FAM13A: variants seen among roughly 807,000 people sequenced by gnomAD.
FAM13A encodes family with sequence similarity 13 member A, also known as protein FAM13A.
In FAM13A, 76 loss-of-function variants were observed where a neutral mutation model predicts 129.6. The observed-to-expected ratio is 0.59, with a 90% confidence interval of 0.49 to 0.71. FAM13A has a LOEUF of 0.71. Among genes scored for constraint, FAM13A ranks in the 30% least tolerant of loss-of-function variants. The pLI is 0.00. For missense variants in FAM13A, 1,108 were observed against 1,249.3 expected (o/e 0.89, Z 1.70); for synonymous variants, 443 against 449.9 (o/e 0.98, Z 0.20).
intron 3 of FAM13A, among the ~76,000 whole-genome samples, chr4:89,014,200 T>G (rs1766141945): frequency 6.6e-6 from 1 of 152,172 alleles, no homozygotes; most frequent in African/African-American, 2.4e-5. Flanking sequence ...AACGATGCAG[T>G]AGGAACGCAC....
intron 1 of FAM13A, among the ~76,000 whole-genome samples, chr4:89,048,792 T>C (rs983993370): frequency 1.7e-4 from 26 of 152,204 alleles, no homozygotes; most frequent in African/African-American, 6.0e-4. Context: ...CACTTTTAAG[T>C]GATTACTACT....
At chr4:88,943,328 A>C (rs796536250) in intron 4 of FAM13A, among the ~76,000 whole-genome samples, 2 of 152,340 alleles carry the variant, frequency 1.3e-5, no homozygotes, top group African/African-American at 4.8e-5. Context: ...AAACACTGTC[A>C]AGTAAGAAAT....
At chr4:88,740,878 A>G (rs1740099189) in intron 19 of FAM13A, among the ~76,000 whole-genome samples, 1 of 152,218 alleles carries the variant, frequency 6.6e-6, no homozygotes, top group Non-Finnish European at 1.5e-5. Flanking sequence ...ACTATGTACT[A>G]TACCATGAGG....
At chr4:89,044,915 G>C (rs749554071) in intron 1 of FAM13A, among the ~76,000 whole-genome samples, 7 of 151,916 alleles carry the variant, frequency 4.6e-5, no homozygotes, top group Non-Finnish European at 1.0e-4. Flanking sequence ...ACCAGGGGCT[G>C]GGAGGTGGGA....
In FAM13A at chr4:88,749,840, T is replaced by C. The variant is rs145916595; in HGVS notation, c.2010A>G (p.Arg670=). ...QEDLTPAQLT[R]RIQSLKKKIR... is the part of the protein sequence containing the mutation. ...TCTTCTTTTTAAGGCTCTGAATCCT[T>C]CGTGTGAGCTGGGCAGGTGTCAGGT... The change falls in exon 16 of 24, where the codon CGA becomes CGG. Residue 670 remains arginine, a synonymous_variant. Transcript: ENST00000264344. 2 of 1,614,040 alleles carry C rather than the reference T, an allele frequency of 1.2e-6. No homozygotes were observed. The highest frequency in any genetic ancestry group is 2.7e-5 in the African/African-American group (2 of 74,908).
intron 3 of FAM13A, among the ~76,000 whole-genome samples, chr4:89,009,872 T>G (rs1459298602): frequency 1.3e-5 from 2 of 152,126 alleles, no homozygotes; most frequent in Non-Finnish European, 2.9e-5. Context: ...CAGAACCTTC[T>G]GCAACAGATG....
At chr4:88,999,335 T>C (rs1348106285) in intron 3 of FAM13A, among the ~76,000 whole-genome samples, 1 of 152,176 alleles carries the variant, frequency 6.6e-6, no homozygotes, top group Non-Finnish European at 1.5e-5. Flanking sequence ...GAACCTCATA[T>C]CTACAATAAA....
intron 4 of FAM13A, among the ~76,000 whole-genome samples, chr4:88,944,755 T>G (rs1755382952): frequency 6.6e-6 from 1 of 152,132 alleles, no homozygotes; most frequent in Non-Finnish European, 1.5e-5. Flanking sequence ...TACAAAAAAT[T>G]AGCTGGGCAT....
intron 7 of FAM13A, among the ~76,000 whole-genome samples, chr4:88,836,767 C>T (rs570437004): frequency 6.6e-6 from 1 of 151,968 alleles, no homozygotes; most frequent in Non-Finnish European, 1.5e-5. Flanking sequence ...TGAGACCAGC[C>T]TGACCAACAT....
intron 5 of FAM13A, among the ~76,000 whole-genome samples, chr4:88,912,598 CACACA>C (rs1749263324): frequency 2.0e-5 from 3 of 151,388 alleles, no homozygotes; most frequent in Non-Finnish European, 4.4e-5. Context: ...CACACACACA[CACACA>C]CCTCCTATTG....
chr4:89,057,137 T>C lies in FAM13A; in HGVS notation c.-173A>G, dbSNP rs904235262. On this transcript the variant is annotated 5_prime_UTR_variant, in exon 1 of 24. Transcript: ENST00000264344. ...TCTAACATTTTAGGAAGAGTGGTTT[T>C]GCTTCTCTTTCCGCTGAACCCACAT... is the stretch of plus-strand genomic sequence containing the variant. 6 of 1,440,782 alleles carry C rather than the reference T, an allele frequency of 4.2e-6. No individual in the cohort carries two copies. The highest frequency in any genetic ancestry group is 5.5e-6 in the Non-Finnish European group (6 of 1,098,838). 89.2% of individuals were successfully genotyped at this position (1,440,782 alleles called of 1,614,324 possible). A position where few individuals can be genotyped will look rare whatever the true frequency, so the allele number is the denominator to read the frequency against.
chr4:88,775,686 G>C (rs954901659), intron 11 of FAM13A, among the ~76,000 whole-genome samples: 1 of 152,078 alleles, frequency 6.6e-6, no homozygotes, highest in African/African-American at 2.4e-5. Context: ...CAGGCTGGAT[G>C]ACAGAGTTAG....
chr4:88,744,822 G>A (rs775093279), intron 19 of FAM13A, among the ~76,000 whole-genome samples: 2 of 152,088 alleles, frequency 1.3e-5, no homozygotes, highest in African/African-American at 4.8e-5. Context: ...GAGAGAGGCA[G>A]AGAGTTTGGC....
chr4:89,002,169 C>A (rs1764336066), intron 3 of FAM13A, among the ~76,000 whole-genome samples: 1 of 114,820 alleles, frequency 8.7e-6, no homozygotes, highest in African/African-American at 4.0e-5. Context: ...GTGTAAGCAC[C>A]CAACGGCAAA....
chr4:89,029,599 T>C lies in FAM13A; in HGVS notation c.78A>G (p.Ala26=), dbSNP rs1360096392. The change falls in exon 2 of 24, where the codon GCA becomes GCG. Residue 26 remains alanine, a synonymous_variant. Transcript: ENST00000264344. ...AATCCTTCTGTTCATTTAATGGCAC[T>C]GCCACTATCTTTTTCATGTCTTCTT... ...RLKEDMKKIV[A]VPLNEQKDFT... The C allele has an allele frequency of 1.9e-6, 3 of 1,585,658 alleles. No homozygotes were observed. Among genetic ancestry groups the C allele is most frequent in the Non-Finnish European group, 2.6e-6 (3 of 1,171,098 alleles).
intron 4 of FAM13A, among the ~76,000 whole-genome samples, chr4:88,946,581 G>C (rs1332884038): frequency 1.3e-5 from 2 of 152,012 alleles, no homozygotes; most frequent in African/African-American, 2.4e-5. Context: ...CTGTGCAGTT[G>C]CTGACACTTC....
At chr4:88,746,649 C>A (rs111853295) in intron 19 of FAM13A, among the ~76,000 whole-genome samples, 1 of 152,174 alleles carries the variant, frequency 6.6e-6, no homozygotes, top group African/African-American at 2.4e-5. Context: ...CCTGGCCCCT[C>A]CACCATTCCT....
chr4:88,878,210 C>T (rs941362650), intron 6 of FAM13A, among the ~76,000 whole-genome samples: 1 of 143,812 alleles, frequency 7.0e-6, no homozygotes, highest in African/African-American at 2.6e-5. Flanking sequence ...ATGGTGTGAA[C>T]CCGGGAGGCG....
At chr4:88,966,250 T>C (rs1019498804) in intron 4 of FAM13A, among the ~76,000 whole-genome samples, 4 of 152,186 alleles carry the variant, frequency 2.6e-5, no homozygotes, top group Non-Finnish European at 5.9e-5. Context: ...CCAAAATAAA[T>C]AAACATTAGA....
Sources: gnomAD v4.1 joint callset for allele counts (sites outside exome capture counted in the v4.1 genomes callset) on GRCh38, gnomAD v4.1.1 for gene constraint, MANE v1.5 for transcripts, NCBI Gene and HGNC (gene_info 2026-07-23, HGNC 2026-07-21) for gene names.